The following SLC10A7 variants were observed in gnomAD, a reference collection of about 807,000 sequenced individuals.
SLC10A7 encodes solute carrier family 10 member 7, also known as sodium/bile acid cotransporter 7.
Under a neutral mutation model 43.2 loss-of-function variants are expected in SLC10A7, and 29 were observed. That is an observed-to-expected ratio of 0.67 (90% CI 0.50 to 0.92). The LOEUF (loss-of-function observed/expected upper bound fraction) is 0.92, where lower values mean the gene tolerates loss of function less well. Among genes scored for constraint, SLC10A7 ranks in the 40% least tolerant of loss-of-function variants. The pLI is 0.00. For synonymous variants in SLC10A7, 152 were observed against 144.8 expected, an observed-to-expected ratio of 1.05 and a Z score of -0.35; for missense variants, 295 against 403.2, an observed-to-expected ratio of 0.73 and a Z score of 2.30.
At chr4:146,499,570 T>C (rs1162871831) in intron 4 of SLC10A7, among the ~76,000 whole-genome samples, 1 of 152,206 alleles carries the variant, frequency 6.6e-6, no homozygotes, top group Non-Finnish European at 1.5e-5. Context: ...TGCAGATCAT[T>C]TTCTCCTACA....
intron 4 of SLC10A7, among the ~76,000 whole-genome samples, chr4:146,456,796 G>A (rs1356202900): frequency 1.3e-5 from 2 of 151,754 alleles, no homozygotes; most frequent in African/African-American, 4.8e-5. Context: ...TAGAGGTCAG[G>A]CAGCTGAAAG....
intron 5 of SLC10A7, among the ~76,000 whole-genome samples, chr4:146,354,014 C>G (rs1735355578): frequency 6.8e-6 from 1 of 147,758 alleles, no homozygotes; most frequent in Non-Finnish European, 1.5e-5. Flanking sequence ...TCCTATTCAA[C>G]ATAGTGTTGG....
chr4:146,296,618 G>A (rs1396900330), intron 7 of SLC10A7, among the ~76,000 whole-genome samples: 2 of 152,188 alleles, frequency 1.3e-5, no homozygotes, highest in Non-Finnish European at 2.9e-5. Flanking sequence ...ACCCCTAGGG[G>A]AAAGCAGATT....
intron 4 of SLC10A7, among the ~76,000 whole-genome samples, chr4:146,491,678 GGGAAGGAAGGAAGGAAGGAAGGAAGGAA>G (rs200895728): frequency 7.7e-4 from 72 of 93,540 alleles, no homozygotes; most frequent in East Asian, 2.3e-3. Flanking sequence ...GAGGGAGGAA[GGGAAGGAAGGAAGGAAGGAAGGAAGGAA>G]GGAAGGAAGG....
intron 5 of SLC10A7, among the ~76,000 whole-genome samples, chr4:146,390,252 T>C (rs781065617): frequency 4.6e-5 from 7 of 152,188 alleles, no homozygotes; most frequent in East Asian, 1.9e-4. Context: ...AGTGACAGAT[T>C]GTAGTACTGT....
chr4:146,404,474 T>TTGTG (rs1468611145), intron 5 of SLC10A7, among the ~76,000 whole-genome samples: 4 of 114,744 alleles, frequency 3.5e-5, no homozygotes, highest in African/African-American at 1.5e-4. Context: ...TGCTGCTCAT[T>TTGTG]TATGTGTGTG....
chr4:146,513,682 C>T (rs1168025755), intron 2 of SLC10A7, among the ~76,000 whole-genome samples: 9 of 152,282 alleles, frequency 5.9e-5, no homozygotes, highest in Admixed American at 1.3e-4. Context: ...AATAGGGAAG[C>T]GCTTCTAAGA....
At chr4:146,260,400 G>A (rs1007336225) in intron 10 of SLC10A7, among the ~76,000 whole-genome samples, 1 of 152,230 alleles carries the variant, frequency 6.6e-6, no homozygotes, top group African/African-American at 2.4e-5. Flanking sequence ...AAGGGAGCAA[G>A]TGATAGAAGT....
rs1181770553 is a variant in SLC10A7 at position 146,255,309 on chromosome 4, C to A, written c.*1182G>T. On this transcript the variant is annotated 3_prime_UTR_variant, in exon 12 of 12. Transcript: ENST00000335472. Reference sequence around the variant, plus strand: ...TTGAAAGCTGCTGCCCCGTTGGGAACTAATTTTACTTGATATTTTGGTTAT... The same window carrying A: ...TTGAAAGCTGCTGCCCCGTTGGGAAATAATTTTACTTGATATTTTGGTTAT... 2 of 152,580 alleles carry A rather than the reference C, an allele frequency of 1.3e-5. No individual in the cohort carries two copies. The highest frequency in any genetic ancestry group is 2.4e-5 in the African/African-American group (1 of 41,424). 9.5% of individuals were successfully genotyped at this position (152,580 alleles called of 1,614,324 possible).
At chr4:146,508,672 T>G (rs1043304145) in intron 3 of SLC10A7, among the ~76,000 whole-genome samples, 2 of 152,186 alleles carry the variant, frequency 1.3e-5, no homozygotes, top group African/African-American at 4.8e-5. Context: ...AAAATCTATC[T>G]GGCACACATT....
At chr4:146,354,410 C>T (rs1168759128) in intron 5 of SLC10A7, among the ~76,000 whole-genome samples, 3 of 152,184 alleles carry the variant, frequency 2.0e-5, no homozygotes, top group Non-Finnish European at 4.4e-5. Context: ...AATGGAAGAA[C>T]ATTCCATGCT....
At chr4:146,284,254 T>C (rs1729736763) in intron 9 of SLC10A7, among the ~76,000 whole-genome samples, 1 of 152,308 alleles carries the variant, frequency 6.6e-6, no homozygotes, top group Non-Finnish European at 1.5e-5. Flanking sequence ...TTCTAGAAAC[T>C]GACTCCATCT....
At chr4:146,315,411 G>T (rs1251808166) in intron 6 of SLC10A7, among the ~76,000 whole-genome samples, 1 of 152,106 alleles carries the variant, frequency 6.6e-6, no homozygotes, top group African/African-American at 2.4e-5. Flanking sequence ...GGAAAGATAT[G>T]CAAGTTTTTA....
rs547618506 is a variant in SLC10A7, at chr4:146,474,419, TAACA to T, written c.396+29426_396+29429del. ...TAAGTATAGAAACTTGACTTTTGATTAACAAACAATCAACAGCAGCCATGTGGTG... is the reference window on the plus strand; with the variant it reads ...TAAGTATAGAAACTTGACTTTTGATTAACAATCAACAGCAGCCATGTGGTG... On this transcript the variant is annotated intron_variant, in intron 4 of 11. Transcript: ENST00000335472. 1.0e-3 allele frequency among the ~76,000 whole-genome samples: 158 copies of T among 152,288 alleles called. 1 individual carries two copies. Among genetic ancestry groups the T allele is most frequent in the African/African-American group, 3.7e-3 (153 of 41,572 alleles).
intron 9 of SLC10A7, 125 bp downstream of exon 9, chr4:146,292,804 G>A (rs1730528428): frequency 1.6e-6 from 1 of 624,470 alleles, no homozygotes; most frequent in Non-Finnish European, 2.7e-6. Flanking sequence ...AATGGTCAGG[G>A]AGACAGGAGA....
In SLC10A7 at chr4:146,376,566, C is replaced by A. The variant is rs555019607; in HGVS notation, c.436-50570G>T. ...AGAGTTCAGACAGGGATGGTTGGTC[C>A]CCAGCCGAACTCCAGGGGAAGACTA... On this transcript the variant is annotated intron_variant, in intron 5 of 11. Transcript: ENST00000335472. Among the ~76,000 whole-genome samples the A allele has an allele frequency of 2.6e-4, 39 of 152,174 alleles. No homozygotes were observed. In the South Asian group the frequency reaches 7.9e-3, roughly 31 times the overall value.
At chr4:146,507,735 G>A (rs1188220003) in intron 3 of SLC10A7, among the ~76,000 whole-genome samples, 1 of 152,106 alleles carries the variant, frequency 6.6e-6, no homozygotes, top group Non-Finnish European at 1.5e-5. Context: ...ACTATGCAAG[G>A]TAAGGAGCAT....
At chr4:146,385,195 A>G (rs1737905257) in intron 5 of SLC10A7, among the ~76,000 whole-genome samples, 2 of 152,184 alleles carry the variant, frequency 1.3e-5, no homozygotes, top group African/African-American at 4.8e-5. Context: ...ATCTTTTGTT[A>G]GATAATATTG....
intron 5 of SLC10A7, among the ~76,000 whole-genome samples, chr4:146,377,910 T>G (rs926156991): frequency 2.6e-5 from 4 of 152,210 alleles, no homozygotes; most frequent in African/African-American, 9.7e-5. Context: ...ATGCCAGTAT[T>G]GTAAGTAAAG....
Sources: allele counts gnomAD v4.1 joint callset (sites outside exome capture counted in the v4.1 genomes callset), GRCh38; gene constraint gnomAD v4.1.1; transcripts MANE v1.5; gene names NCBI Gene and HGNC (gene_info 2026-07-23, HGNC 2026-07-21).